UGT1A5: variants seen among roughly 807,000 people sequenced by gnomAD.
The protein encoded by UGT1A5 is UDP-glucuronosyltransferase 1A5.
A neutral mutation model predicts 40.3 loss-of-function variants in UGT1A5; 29 were observed. The ratio of observed to expected loss-of-function variants is 0.72; its 90% CI spans 0.54 to 0.98. UGT1A5 has a LOEUF of 0.98. Among genes scored for constraint, UGT1A5 ranks in the 50% least tolerant of loss-of-function variants. The pLI, the probability that UGT1A5 is intolerant of heterozygous loss-of-function variation, is 0.00. For missense variants in UGT1A5, 678 were observed against 677.9 expected, an observed-to-expected ratio of 1.00 and a Z score of 0.00; for synonymous variants, 257 against 262.5, an observed-to-expected ratio of 0.98 and a Z score of 0.20.
rs1399932321 is a variant in UGT1A5, at chr2:233,747,632, C to A, written c.868-19402C>A. 22 of 1,580,286 alleles carry A rather than the reference C, an allele frequency of 1.4e-5. No homozygotes were observed. In the Admixed American group the frequency reaches 1.8e-4, roughly 13 times the overall value. On this transcript the variant is annotated intron_variant, in intron 1 of 4. Transcript: ENST00000373414. ...TGCATAATGAGGCCCTGATCAGGCA[C>A]CTGAATGCTACTTCCTTCGATGTGG...
At chr2:233,771,035 G>A (rs1472903021) in intron 4 of UGT1A5, 1 of 152,036 alleles carries the variant, frequency 6.6e-6, no homozygotes, top group South Asian at 2.1e-4. Context: ...TGGGGGGGAA[G>A]GTGCCACACA....
In UGT1A5 at chr2:233,769,569, G is replaced by A; in HGVS notation, c.1307+1130G>A. ...TCAGGAAGACAGATGTGAAGAGCTG[G>A]AGCATGTTCAGATGAGAGGAGACGG... On this transcript the variant is annotated intron_variant, in intron 4 of 4. Transcript: ENST00000373414. The surrounding 1 kb of genome is among the most constrained non-coding windows in gnomAD (Gnocchi z 4.4). The A allele has an allele frequency of 1.2e-6, 2 of 1,612,870 alleles. No individual in the cohort carries two copies. The highest frequency in any genetic ancestry group is 2.2e-5 in the South Asian group (2 of 91,064).
rs368518074 is a variant in UGT1A5, at chr2:233,743,691, C to A, written c.868-23343C>A. On this transcript the variant is annotated intron_variant, in intron 1 of 4. Coordinates refer to ENST00000373414, the MANE Select transcript of UGT1A5 (RefSeq NM_019078.2). The stretch of plus-strand genomic sequence containing the variant: ...TCGAAGGGCCTGCCGCCTGTGCAGC[C>A]GCCCTCCGCCCCCGCCTCGCCATAG... 5.1e-6 allele frequency: 7 copies of A among 1,367,238 alleles called. No individual in the cohort carries two copies. In the South Asian group the frequency reaches 7.9e-5, roughly 16 times the overall value. 84.7% of individuals were successfully genotyped at this position (1,367,238 alleles called of 1,614,324 possible).
At chr2:233,746,367 C>T (rs1317726089) in intron 1 of UGT1A5, among the ~76,000 whole-genome samples, 1 of 151,694 alleles carries the variant, frequency 6.6e-6, no homozygotes, top group Non-Finnish European at 1.5e-5. Flanking sequence ...AGTAACAAGT[C>T]CCTTCATTCT....
chr2:233,762,669 A>T (rs1575790989), intron 1 of UGT1A5, among the ~76,000 whole-genome samples: 1 of 150,304 alleles, frequency 6.7e-6, no homozygotes, highest in Non-Finnish European at 1.5e-5. Flanking sequence ...TTTAAAAAAC[A>T]TTTGTTCTGT....
intron 1 of UGT1A5, among the ~76,000 whole-genome samples, chr2:233,724,309 C>T (rs1481957391): frequency 1.9e-4 from 27 of 145,654 alleles, no homozygotes; most frequent in East Asian, 8.6e-4. Flanking sequence ...ACCTCCCTCC[C>T]GGACGGGGCG....
At chr2:233,732,944 A>G (rs2078339479) in intron 1 of UGT1A5, among the ~76,000 whole-genome samples, 2 of 152,256 alleles carry the variant, frequency 1.3e-5, no homozygotes, top group Admixed American at 1.3e-4. Flanking sequence ...ATCCATGAGC[A>G]TGGAATGTTC....
intron 1 of UGT1A5, among the ~76,000 whole-genome samples, chr2:233,730,228 A>C (rs1452253357): frequency 2.0e-5 from 3 of 152,146 alleles, no homozygotes; most frequent in East Asian, 3.9e-4. Flanking sequence ...TTGTAAAAGG[A>C]TGGACAAGGA....
chr2:233,769,507 T>C lies in UGT1A5; in HGVS notation c.1307+1068T>C. 6.2e-7 allele frequency: 1 copy of C among 1,612,744 alleles called. No homozygotes were observed. Among genetic ancestry groups the C allele is most frequent in the South Asian group, 1.1e-5 (1 of 91,058 alleles). The stretch of plus-strand genomic sequence containing the variant: ...TGTGTTTATGAGAGTGTCCATTGCT[T>C]TCTCCCATGGTTACCTCCTTTAGAA... On this transcript the variant is annotated intron_variant, in intron 4 of 4. Coordinates refer to ENST00000373414, the MANE Select transcript of UGT1A5 (RefSeq NM_019078.2). This position sits in a 1 kb window ranked among gnomAD's most constrained non-coding sequence, Gnocchi z 4.4.
chr2:233,747,428 G>T (rs1427040404), intron 1 of UGT1A5: 12 of 1,608,630 alleles, frequency 7.5e-6, no homozygotes, highest in South Asian at 6.6e-5. Context: ...TCAAACAAGA[G>T]AAATTTTTCA....
At chr2:233,729,623 C>T (rs142986334) in intron 1 of UGT1A5, 391 of 1,613,794 alleles carry the variant, frequency 2.4e-4, no homozygotes, top group Non-Finnish European at 3.1e-4. Context: ...AAGTACCTGT[C>T]GATTCCTACT....
intron 4 of UGT1A5, chr2:233,770,769 A>G (rs771897694): frequency 2.6e-5 from 4 of 152,220 alleles, no homozygotes; most frequent in Non-Finnish European, 2.9e-5. Flanking sequence ...CATTATAATA[A>G]TGTTTCCAAA....
chr2:233,731,298 T>A (rs909820502), intron 1 of UGT1A5, among the ~76,000 whole-genome samples: 4 of 149,198 alleles, frequency 2.7e-5, no homozygotes, highest in Non-Finnish European at 4.5e-5. Flanking sequence ...TTTTTTTTTT[T>A]ATTATACTTT....
chr2:233,766,902 T>C, intron 1 of UGT1A5, 132 bp from the exon 2 acceptor site: 1 of 1,493,390 alleles, frequency 6.7e-7, no homozygotes, highest in Non-Finnish European at 8.9e-7. Flanking sequence ...ATTAATAATT[T>C]TTTACTCTAT....
chr2:233,722,194 C>T (rs1259255886), intron 1 of UGT1A5: 3 of 157,146 alleles, frequency 1.9e-5, no homozygotes, highest in African/African-American at 4.8e-5. Flanking sequence ...TGCCAATTTA[C>T]TGAGTGCATG....
In UGT1A5 at chr2:233,724,159, G is replaced by T. The variant is rs1253730217; in HGVS notation, c.867+10301G>T. Among the ~76,000 whole-genome samples the T allele has an allele frequency of 6.2e-4, 77 of 124,140 alleles. 1 individual carries two copies. Among genetic ancestry groups the T allele is most frequent in the African/African-American group, 2.5e-3 (70 of 28,440 alleles). The allele number at this position is 124,140 out of a possible 152,430, so 81.4% of individuals were successfully genotyped here. A position where few individuals can be genotyped will look rare whatever the true frequency, so the allele number is the denominator to read the frequency against. On this transcript the variant is annotated intron_variant, in intron 1 of 4. Transcript: ENST00000373414. Reference sequence around the variant, plus strand: ...GACGGGGCGGCTGGCCGGGTGGGGGGGCTGACCCCCCCATCTCCCTCCCGG... The same window carrying T: ...GACGGGGCGGCTGGCCGGGTGGGGGTGCTGACCCCCCCATCTCCCTCCCGG...
chr2:233,731,478 G>T lies in UGT1A5; in HGVS notation c.867+17620G>T, dbSNP rs546247495. 7.2e-5 allele frequency among the ~76,000 whole-genome samples: 11 copies of T among 152,100 alleles called. No individual in the cohort carries two copies. In the East Asian group the frequency reaches 2.1e-3, roughly 29 times the overall value. On this transcript the variant is annotated intron_variant, in intron 1 of 4. Transcript: ENST00000373414. ...AGGCCCTGGCGTGTGATGTTCCCTG[G>T]CCTGTGTCCAGTGTTCTTGCTGTTC... is the stretch of plus-strand genomic sequence containing the variant.
chr2:233,715,603 C>G (rs1207220731), intron 1 of UGT1A5, among the ~76,000 whole-genome samples: 3 of 151,896 alleles, frequency 2.0e-5, no homozygotes, highest in Non-Finnish European at 4.4e-5. Context: ...GAGACTCCAT[C>G]TCTACAAAAA....
chr2:233,750,277 G>T (rs1168754564), intron 1 of UGT1A5, among the ~76,000 whole-genome samples: 1 of 151,936 alleles, frequency 6.6e-6, no homozygotes, highest in Admixed American at 6.5e-5. Context: ...TTAGCAAAGA[G>T]ACTGGTGGCA....
Sources: gnomAD v4.1 joint callset for allele counts (sites outside exome capture counted in the v4.1 genomes callset) on GRCh38, gnomAD v4.1.1 for gene constraint, Gnocchi (gnomAD v3.1) non-coding constraint, MANE v1.5 for transcripts, NCBI Gene and HGNC (gene_info 2026-07-23, HGNC 2026-07-21) for gene names.